Variants in ZNF618 observed in about 807,000 individuals in gnomAD.
ZNF618 encodes zinc finger protein 618.
In ZNF618, 34 loss-of-function variants were observed where a neutral mutation model predicts 103.0. That is an observed-to-expected ratio of 0.33 (90% CI 0.25 to 0.44). The LOEUF (loss-of-function observed/expected upper bound fraction) is 0.44, where lower values mean the gene tolerates loss of function less well. ZNF618 is among the 20% of genes least tolerant of loss of function. ZNF618 has a pLI of 1.00. For missense variants in ZNF618, 1,059 were observed against 1,295.4 expected (o/e 0.82, Z 2.80); for synonymous variants, 551 against 542.2 (o/e 1.02, Z -0.23).
chr9:114,006,373 A>T (rs1841758216), intron 6 of ZNF618, among the ~76,000 whole-genome samples: 1 of 152,322 alleles, frequency 6.6e-6, no homozygotes, highest in South Asian at 2.1e-4. Flanking sequence ...AGCCTTGAGC[A>T]TATCACCAAG....
intron 12 of ZNF618, 120 bp from the exon 13 acceptor site, chr9:114,036,180 G>T: frequency 7.0e-6 from 6 of 862,214 alleles, no homozygotes; most frequent in Non-Finnish European, 9.2e-6. Context: ...TGGGCCCGGA[G>T]CCCTGAGCAC....
intron 1 of ZNF618, among the ~76,000 whole-genome samples, chr9:113,924,591 T>C (rs1331432780): frequency 6.6e-6 from 1 of 151,600 alleles, no homozygotes; most frequent in Non-Finnish European, 1.5e-5. Flanking sequence ...TTGCCTTTGG[T>C]TTATATTGTT....
intron 1 of ZNF618, among the ~76,000 whole-genome samples, chr9:113,950,008 C>T (rs1433661796): frequency 3.3e-5 from 5 of 152,102 alleles, no homozygotes; most frequent in Admixed American, 2.6e-4. Context: ...TCAAATCTTC[C>T]ATTAAACCCC....
chr9:113,985,985 C>T (rs1021334497), intron 2 of ZNF618, among the ~76,000 whole-genome samples: 3 of 152,176 alleles, frequency 2.0e-5, no homozygotes, highest in Non-Finnish European at 4.4e-5. Flanking sequence ...TGCAGTTTTA[C>T]ACTTTCTTAC....
intron 13 of ZNF618, among the ~76,000 whole-genome samples, chr9:114,037,812 T>A (rs2078305): frequency 0.29 from 43,747 of 152,064 alleles, 7,983 homozygotes; most frequent in East Asian, 0.62. Context: ...AATCAGATGA[T>A]CTTTTTGGGG....
chr9:114,029,205 A>G (rs1843780818), intron 11 of ZNF618, among the ~76,000 whole-genome samples: 1 of 152,046 alleles, frequency 6.6e-6, no homozygotes, highest in Non-Finnish European at 1.5e-5. Flanking sequence ...TTGTACAAGG[A>G]GGTTTGCAAA....
At chr9:113,988,717 G>A (rs370576732) in intron 3 of ZNF618, 137 bp downstream of exon 3, 3 of 1,311,156 alleles carry the variant, frequency 2.3e-6, no homozygotes, top group East Asian at 2.5e-5. Context: ...TGCATTCAGG[G>A]AGAGATCTCA....
intron 12 of ZNF618, among the ~76,000 whole-genome samples, chr9:114,034,955 T>C (rs1333259337): frequency 6.6e-6 from 1 of 152,154 alleles, no homozygotes; most frequent in African/African-American, 2.4e-5. Context: ...GGCAGTGACT[T>C]GTCTTGCCCT....
intron 3 of ZNF618, among the ~76,000 whole-genome samples, chr9:113,993,462 A>G (rs1564268861): frequency 6.6e-6 from 1 of 152,168 alleles, no homozygotes; most frequent in Admixed American, 6.5e-5. Context: ...TGGGTTTACA[A>G]CAGTGAGAGC....
intron 13 of ZNF618, among the ~76,000 whole-genome samples, chr9:114,044,828 T>A (rs1845518180): frequency 1.3e-5 from 2 of 151,992 alleles, no homozygotes. Context: ...GGTGGGGCAG[T>A]TTTTTGGCAA....
In ZNF618 at chr9:114,007,364, A is replaced by G; in HGVS notation, c.565A>G (p.Thr189Ala). The change falls in exon 7 of 15, where the codon ACA (threonine) becomes GCA (alanine). Residue 189 changes from threonine to alanine, a missense_variant. This residue lies in a region of ZNF618 where 434 missense variants were observed against 476.0 expected (regional missense o/e 0.91). Transcript: ENST00000374126. Reference sequence around the variant, plus strand: ...ATCCCATGCAGACAATTTCAGGTACACATGTGATATCTGCGGGAAGAAGTA... The same window carrying G: ...ATCCCATGCAGACAATTTCAGGTACGCATGTGATATCTGCGGGAAGAAGTA... Reference protein sequence around the residue: ...GASQSNNFRYTCDICGKKYKY... With the variant: ...GASQSNNFRYACDICGKKYKY... 3 of 1,613,876 alleles carry G rather than the reference A, an allele frequency of 1.9e-6. No homozygotes were observed. Among genetic ancestry groups the G allele is most frequent in the Non-Finnish European group, 2.5e-6 (3 of 1,179,846 alleles).
chr9:113,882,444 G>C (rs1308862786), intron 1 of ZNF618, among the ~76,000 whole-genome samples: 1 of 152,208 alleles, frequency 6.6e-6, no homozygotes, highest in African/African-American at 2.4e-5. Context: ...TGAGTAGGTG[G>C]TCGACGCATG....
At chr9:114,016,549 T>C (rs2133948847) in intron 9 of ZNF618, 146 bp from the exon 10 acceptor site, 1 of 659,168 alleles carries the variant, frequency 1.5e-6, no homozygotes, top group East Asian at 2.7e-5. Flanking sequence ...GGGATTTGAA[T>C]AGGGGTCTTC....
intron 1 of ZNF618, among the ~76,000 whole-genome samples, chr9:113,961,800 A>AT (rs989753476): frequency 3.9e-5 from 6 of 152,186 alleles, no homozygotes; most frequent in East Asian, 1.9e-4. Flanking sequence ...TTTAAATGGC[A>AT]TTTTTTAGGG....
intron 6 of ZNF618, among the ~76,000 whole-genome samples, chr9:114,006,348 C>T (rs1430855390): frequency 1.3e-5 from 2 of 152,198 alleles, no homozygotes; most frequent in Non-Finnish European, 2.9e-5. Context: ...CTCCCTTCCC[C>T]TCCCCACACC....
chr9:113,886,827 T>C (rs1829110768), intron 1 of ZNF618, among the ~76,000 whole-genome samples: 1 of 152,010 alleles, frequency 6.6e-6, no homozygotes, highest in Non-Finnish European at 1.5e-5. Flanking sequence ...AGTTAATCCA[T>C]ACAAGATTTC....
chr9:114,038,581 G>A (rs1288726051), intron 13 of ZNF618, among the ~76,000 whole-genome samples: 1 of 152,240 alleles, frequency 6.6e-6, no homozygotes, highest in Non-Finnish European at 1.5e-5. Flanking sequence ...TCATTATGGA[G>A]CTGCTGAATG....
intron 9 of ZNF618, among the ~76,000 whole-genome samples, chr9:114,009,156 C>T (rs1269828879): frequency 6.6e-6 from 1 of 152,054 alleles, no homozygotes; most frequent in African/African-American, 2.4e-5. Flanking sequence ...GTGGTCCTGC[C>T]CTTGGGTAAT....
chr9:114,040,697 A>G (rs941578720), intron 13 of ZNF618, among the ~76,000 whole-genome samples: 2 of 152,306 alleles, frequency 1.3e-5, no homozygotes, highest in African/African-American at 2.4e-5. Flanking sequence ...TCCATGGTGT[A>G]TATGTGCCAC....
Sources: allele counts gnomAD v4.1 joint callset (sites outside exome capture counted in the v4.1 genomes callset), GRCh38; gene constraint gnomAD v4.1.1; regional missense constraint gnomAD v4.1.1; transcripts MANE v1.5; gene names NCBI Gene and HGNC (gene_info 2026-07-23, HGNC 2026-07-21).